Variants in ZFHX3 observed in about 807,000 individuals in gnomAD.
ZFHX3 encodes zinc finger homeobox 3.
ZFHX3 carries 42 observed loss-of-function variants against 279.1 expected under a neutral mutation model. That is an observed-to-expected ratio of 0.15 (90% confidence interval 0.12 to 0.19). The LOEUF (loss-of-function observed/expected upper bound fraction) is 0.19, where lower values mean the gene tolerates loss of function less well. Among genes scored for constraint, ZFHX3 ranks in the 10% least tolerant of loss-of-function variants. The probability of loss-of-function intolerance (pLI) is 1.00; values close to 1 mark genes in which losing one functional copy is unlikely to be tolerated. For missense variants in ZFHX3, 4,981 were observed against 4,754.0 expected (o/e 1.05, Z -1.40); for synonymous variants, 2,293 against 1,957.8 (o/e 1.17, Z -4.52).
intron 1 of ZFHX3, among the ~76,000 whole-genome samples, chr16:73,028,985 G>T (rs1339700150): frequency 6.6e-6 from 1 of 152,158 alleles, no homozygotes; most frequent in Non-Finnish European, 1.5e-5. Flanking sequence ...AAAGGGGAAA[G>T]TCAATCCCAG....
At chr16:73,107,363 G>A (rs1344913612) in intron 7 of ZFHX3, among the ~76,000 whole-genome samples, 1 of 151,976 alleles carries the variant, frequency 6.6e-6, no homozygotes, top group Non-Finnish European at 1.5e-5. Flanking sequence ...TTCCTCTTTA[G>A]TTTTATATAT....
chr16:73,339,601 A>T (rs2015989405), intron 3 of ZFHX3, among the ~76,000 whole-genome samples: 1 of 152,220 alleles, frequency 6.6e-6, no homozygotes, highest in Admixed American at 6.5e-5. Context: ...CCACCTCACC[A>T]ATAGTAGGAG....
At chr16:72,896,166 G>T (rs558380593) in intron 3 of ZFHX3, among the ~76,000 whole-genome samples, 8 of 152,318 alleles carry the variant, frequency 5.3e-5, no homozygotes, top group African/African-American at 1.9e-4. Flanking sequence ...TTTGGCACAC[G>T]TTCGGGGGTC....
chr16:73,648,241 A>T (rs1008042584), intron 2 of ZFHX3, among the ~76,000 whole-genome samples: 1 of 152,224 alleles, frequency 6.6e-6, no homozygotes, highest in Admixed American at 6.5e-5. Context: ...ACTAGAAATA[A>T]TCTAAATTAC....
intron 1 of ZFHX3, among the ~76,000 whole-genome samples, chr16:73,762,846 G>A (rs114745244): frequency 7.9e-5 from 12 of 152,218 alleles, no homozygotes; most frequent in African/African-American, 1.7e-4. Context: ...GAGAGAGGGA[G>A]AACATCAGGA....
rs890366468 is a variant in ZFHX3, at chr16:73,601,054, T to C, written c.-1547+79126A>G. 1.1e-3 allele frequency among the ~76,000 whole-genome samples: 163 copies of C among 152,260 alleles called. 2 individuals are homozygous for C. Among genetic ancestry groups the C allele is most frequent in the Middle Eastern group, 6.8e-3 (2 of 294 alleles). On this transcript the variant is annotated intron_variant, in intron 2 of 17. Transcript: ENST00000641206. ...GTTGAGTGTTTTATTAGCAAATACA[T>C]TTCCAGTCTGGCTTTGAAGTGTGAG...
chr16:72,913,798 T>C (rs1019255935), intron 3 of ZFHX3, among the ~76,000 whole-genome samples: 9 of 152,186 alleles, frequency 5.9e-5, no homozygotes, highest in South Asian at 2.1e-4. Context: ...GAAATGTCTA[T>C]CTAGAAAGTC....
At chr16:72,855,313 G>T (rs2037728704) in intron 4 of ZFHX3, among the ~76,000 whole-genome samples, 1 of 152,234 alleles carries the variant, frequency 6.6e-6, no homozygotes, top group Non-Finnish European at 1.5e-5. Flanking sequence ...CAACGCTGGA[G>T]CGCGTGCACG....
intron 8 of ZFHX3, among the ~76,000 whole-genome samples, chr16:73,091,701 C>T (rs1257811916): frequency 2.6e-5 from 4 of 152,174 alleles, no homozygotes; most frequent in African/African-American, 9.7e-5. Flanking sequence ...AAGAGTTTGT[C>T]GAGCTGAGTC....
At chr16:73,395,224 G>C (rs2017102985) in intron 3 of ZFHX3, among the ~76,000 whole-genome samples, 1 of 152,164 alleles carries the variant, frequency 6.6e-6, no homozygotes, top group Non-Finnish European at 1.5e-5. Flanking sequence ...CAGCACTTTG[G>C]GAGGCCGAGG....
chr16:72,957,347 C>T (rs1961297097), intron 2 of ZFHX3, 80 bp downstream of exon 2: 5 of 1,484,750 alleles, frequency 3.4e-6, no homozygotes, highest in Middle Eastern at 1.8e-4. Flanking sequence ...ACTGAATCCA[C>T]AGGACTATCT....
chr16:72,864,511 C>G (rs1012914079), intron 4 of ZFHX3, among the ~76,000 whole-genome samples: 1 of 152,172 alleles, frequency 6.6e-6, no homozygotes, highest in Non-Finnish European at 1.5e-5. Context: ...TCCCGGGCCA[C>G]CCAAACAGTT....
intron 2 of ZFHX3, chr16:73,500,315 TTTTGTTTG>T (rs142507295): frequency 3.2e-4 from 50 of 154,224 alleles, no homozygotes; most frequent in Non-Finnish European, 4.7e-4. Flanking sequence ...GTTTTTGTTT[TTTTGTTTG>T]TTTGTTTGTT....
intron 1 of ZFHX3, among the ~76,000 whole-genome samples, chr16:73,689,042 T>C (rs1356532892): frequency 6.6e-6 from 1 of 152,180 alleles, no homozygotes; most frequent in Non-Finnish European, 1.5e-5. Context: ...AACAGACTAA[T>C]ACAAGCCCAA....
At chr16:73,677,598 T>C (rs1465576027) in intron 2 of ZFHX3, among the ~76,000 whole-genome samples, 1 of 151,924 alleles carries the variant, frequency 6.6e-6, no homozygotes, top group Non-Finnish European at 1.5e-5. Context: ...GATTTAACAA[T>C]AGATTTCTAG....
At chr16:73,362,667 C>A (rs1301923829) in intron 3 of ZFHX3, among the ~76,000 whole-genome samples, 1 of 152,226 alleles carries the variant, frequency 6.6e-6, no homozygotes, top group South Asian at 2.1e-4. Flanking sequence ...CAAGGCAGGG[C>A]AAACAGGGCA....
chr16:72,967,571 T>A (rs746346257), intron 1 of ZFHX3, among the ~76,000 whole-genome samples: 2 of 151,994 alleles, frequency 1.3e-5, no homozygotes, highest in African/African-American at 2.4e-5. Flanking sequence ...ATCATCATCT[T>A]CATCATCATC....
At chr16:73,695,037 G>T (rs1384272110) in intron 1 of ZFHX3, among the ~76,000 whole-genome samples, 1 of 152,228 alleles carries the variant, frequency 6.6e-6, no homozygotes, top group African/African-American at 2.4e-5. Context: ...CAGAGGCACA[G>T]CGCTGCCTCC....
At chr16:73,562,814 C>T (rs2020391627) in intron 2 of ZFHX3, among the ~76,000 whole-genome samples, 1 of 152,026 alleles carries the variant, frequency 6.6e-6, no homozygotes, top group Admixed American at 6.6e-5. Context: ...TGAAACTGGT[C>T]CTATTTATTA....
Sources: gnomAD v4.1 joint callset for allele counts (sites outside exome capture counted in the v4.1 genomes callset) on GRCh38, gnomAD v4.1.1 for gene constraint, MANE v1.5 for transcripts, NCBI Gene and HGNC (gene_info 2026-07-23, HGNC 2026-07-21) for gene names.